The following AGTPBP1 variants were observed in gnomAD, a reference collection of about 807,000 sequenced individuals.
AGTPBP1 encodes the protein ATP/GTP binding carboxypeptidase 1.
Under a neutral mutation model 143.9 loss-of-function variants are expected in AGTPBP1, and 70 were observed. The ratio of observed to expected loss-of-function variants is 0.49; its 90% CI spans 0.40 to 0.59. The LOEUF (loss-of-function observed/expected upper bound fraction) is 0.59, where lower values mean the gene tolerates loss of function less well. Among genes scored for constraint, AGTPBP1 ranks in the 20% least tolerant of loss-of-function variants. The pLI is 0.00. For missense variants in AGTPBP1, 1,229 were observed against 1,464.5 expected (o/e 0.84, Z 2.62); for synonymous variants, 463 against 500.2 (o/e 0.93, Z 0.99).
rs932801967 is a variant in AGTPBP1, at chr9:85,606,627, T to A, written c.2336-10178A>T. 7.9e-5 allele frequency among the ~76,000 whole-genome samples: 12 copies of A among 152,080 alleles called. No homozygotes were observed. The South Asian group carries it at 2.3e-3, about 29-fold the overall frequency. On this transcript the variant is annotated intron_variant, in intron 17 of 25. Transcript: ENST00000357081. ...CACCCCATGTTTATTGTAGCACTATTCACAATAGCAAAGATATGAATCAAC... is the reference window on the plus strand; with the variant it reads ...CACCCCATGTTTATTGTAGCACTATACACAATAGCAAAGATATGAATCAAC...
At chr9:85,787,164 A>T in the AGTPBP1 span, among the ~76,000 whole-genome samples, 8,251 of 152,170 alleles carry the variant, frequency 0.054, 732 homozygotes, top group African/African-American at 0.18. Context: ...GTTTCTGGAA[A>T]TTTTTTGGAT....
chr9:85,564,510 T>C (rs1278106056), intron 25 of AGTPBP1, among the ~76,000 whole-genome samples: 1 of 152,240 alleles, frequency 6.6e-6, no homozygotes, highest in Admixed American at 6.5e-5. Context: ...ATGTAATGCA[T>C]ATATGACAGT....
chr9:85,596,876 G>A (rs599198), intron 17 of AGTPBP1, among the ~76,000 whole-genome samples: 1 of 152,172 alleles, frequency 6.6e-6, no homozygotes, highest in Non-Finnish European at 1.5e-5. Context: ...CCTCCCCACC[G>A]TTCTCCATAC....
At chr9:85,653,539 G>C (rs1304081252) in intron 11 of AGTPBP1, among the ~76,000 whole-genome samples, 1 of 152,098 alleles carries the variant, frequency 6.6e-6, no homozygotes, top group Non-Finnish European at 1.5e-5. Flanking sequence ...CCTCCTTCCT[G>C]GTGTTACTAC....
chr9:85,756,438 A>C, the AGTPBP1 span, among the ~76,000 whole-genome samples: 1 of 150,906 alleles, frequency 6.6e-6, no homozygotes, highest in Non-Finnish European at 1.5e-5. Context: ...GTAGTTCCTC[A>C]AAAGGCTAAA....
chr9:85,676,116 G>C (rs1834815799), intron 6 of AGTPBP1, among the ~76,000 whole-genome samples: 1 of 152,176 alleles, frequency 6.6e-6, no homozygotes, highest in African/African-American at 2.4e-5. Flanking sequence ...AGAAAACATT[G>C]GAGAAATGCT....
chr9:85,560,516 G>A (rs992693485), intron 25 of AGTPBP1, among the ~76,000 whole-genome samples: 6 of 152,118 alleles, frequency 3.9e-5, no homozygotes, highest in African/African-American at 1.4e-4. Context: ...GCAAGTCAAA[G>A]TCTGCTCGAA....
chr9:85,624,140 G>T (rs1188863067), intron 14 of AGTPBP1, among the ~76,000 whole-genome samples: 1 of 152,162 alleles, frequency 6.6e-6, no homozygotes, highest in East Asian at 1.9e-4. Context: ...TATATTTATT[G>T]TAAGAACATT....
At chr9:85,658,611 C>T (rs1159226803) in intron 9 of AGTPBP1, among the ~76,000 whole-genome samples, 2 of 151,946 alleles carry the variant, frequency 1.3e-5, no homozygotes, top group East Asian at 1.9e-4. Flanking sequence ...TATAAAATAC[C>T]CACCAGGTTC....
the AGTPBP1 span, among the ~76,000 whole-genome samples, chr9:85,805,167 C>G: frequency 4.8e-3 from 730 of 152,320 alleles, 3 homozygotes; most frequent in African/African-American, 0.016. Flanking sequence ...TCCTCTCCCC[C>G]AACTCGGGCG....
intron 6 of AGTPBP1, among the ~76,000 whole-genome samples, chr9:85,676,089 A>C (rs1161811704): frequency 6.6e-6 from 1 of 152,180 alleles, no homozygotes; most frequent in Non-Finnish European, 1.5e-5. Context: ...GATTGTAAAA[A>C]TTAAGCACTC....
intron 14 of AGTPBP1, among the ~76,000 whole-genome samples, chr9:85,621,507 G>A (rs1013651339): frequency 6.7e-6 from 1 of 149,250 alleles, no homozygotes; most frequent in African/African-American, 2.5e-5. Flanking sequence ...GTAGAATACA[G>A]CCAGCCACAA....
intron 25 of AGTPBP1, among the ~76,000 whole-genome samples, chr9:85,557,217 T>G (rs1287293303): frequency 6.6e-6 from 1 of 152,166 alleles, no homozygotes; most frequent in African/African-American, 2.4e-5. Flanking sequence ...GATACCTATC[T>G]ACATCTCAAT....
rs972619247 is a variant in AGTPBP1, at chr9:85,741,839, C to G, written c.-98G>C. 2.9e-6 allele frequency: 4 copies of G among 1,402,260 alleles called. No individual in the cohort carries two copies. Among genetic ancestry groups the G allele is most frequent in the Admixed American group, 2.9e-5 (1 of 33,940 alleles). 86.9% of individuals were successfully genotyped at this position (1,402,260 alleles called of 1,614,324 possible). A position where few individuals can be genotyped will look rare whatever the true frequency, so the allele number is the denominator to read the frequency against. ...GCAGCACCCGGCTCAGCACCTGGAT[C>G]ACGGCGGATCCCTCGCCGCCCGCCG... On this transcript the variant is annotated 5_prime_UTR_variant, in exon 1 of 26. Transcript: ENST00000357081.
chr9:85,577,058 T>G (rs919379029), intron 24 of AGTPBP1, among the ~76,000 whole-genome samples: 1 of 152,148 alleles, frequency 6.6e-6, no homozygotes, highest in Non-Finnish European at 1.5e-5. Flanking sequence ...ATATCTTAGC[T>G]TTTTAAAAAT....
Position 85,741,935 on chromosome 9 carries a change from C to G in AGTPBP1, c.-194G>C, listed in dbSNP as rs574081926. 33 of 1,308,750 alleles carry G rather than the reference C, an allele frequency of 2.5e-5. No individual in the cohort carries two copies. Among genetic ancestry groups the G allele is most frequent in the Non-Finnish European group, 3.0e-5 (31 of 1,033,410 alleles). 81.1% of individuals were successfully genotyped at this position (1,308,750 alleles called of 1,614,324 possible). A position where few individuals can be genotyped will look rare whatever the true frequency, so the allele number is the denominator to read the frequency against. On this transcript the variant is annotated 5_prime_UTR_variant, in exon 1 of 26. Transcript: ENST00000357081. ...GCGGCGGCGGCAGCTGCGGCGGCGG[C>G]GCTGGAGGCGGCGGAACCTGTCCGC...
At chr9:85,725,480 G>A (rs552998852) in intron 1 of AGTPBP1, among the ~76,000 whole-genome samples, 1 of 152,106 alleles carries the variant, frequency 6.6e-6, no homozygotes, top group South Asian at 2.1e-4. Context: ...CATAGGGGGA[G>A]GATGGTAGGG....
chr9:85,573,340 G>A (rs1298325976), intron 25 of AGTPBP1, among the ~76,000 whole-genome samples: 3 of 152,196 alleles, frequency 2.0e-5, no homozygotes, highest in Non-Finnish European at 2.9e-5. Context: ...TCCTAACCGC[G>A]AGTGATCCGC....
chr9:85,787,959 C>G, the AGTPBP1 span: 1 of 152,142 alleles, frequency 6.6e-6, no homozygotes, highest in African/African-American at 2.4e-5. Flanking sequence ...ACCCTGTGCT[C>G]AAAGACTCAA....
Sources: gnomAD v4.1 joint callset for allele counts (sites outside exome capture counted in the v4.1 genomes callset) on GRCh38, gnomAD v4.1.1 for gene constraint, MANE v1.5 for transcripts, NCBI Gene and HGNC (gene_info 2026-07-23, HGNC 2026-07-21) for gene names.